The following CCDC171 variants were observed in gnomAD, a reference collection of about 807,000 sequenced individuals.
CCDC171 encodes the protein coiled-coil domain-containing protein 171.
CCDC171 carries 177 observed loss-of-function variants against 168.2 expected under a neutral mutation model. That is an observed-to-expected ratio of 1.05 (90% confidence interval 0.93 to 1.19). The LOEUF (loss-of-function observed/expected upper bound fraction) is 1.19. Ranked by LOEUF, CCDC171 falls within the 50% of genes most tolerant of loss-of-function variation. CCDC171 has a pLI of 0.00. For missense variants in CCDC171, 1,991 were observed against 1,539.0 expected (o/e 1.29, Z -4.91); for synonymous variants, 687 against 540.8 (o/e 1.27, Z -3.75).
intron 24 of CCDC171, among the ~76,000 whole-genome samples, chr9:15,907,300 C>A (rs932379934): frequency 8.5e-5 from 13 of 152,190 alleles, no homozygotes; most frequent in African/African-American, 3.1e-4. Flanking sequence ...GTACTGATAC[C>A]AAAACAGATA....
chr9:16,089,022 A>G, the CCDC171 span, among the ~76,000 whole-genome samples: 1 of 152,146 alleles, frequency 6.6e-6, no homozygotes, highest in African/African-American at 2.4e-5. Context: ...TATATAGACC[A>G]ATGGAACAGA....
chr9:15,727,935 C>G lies in CCDC171; in HGVS notation c.1759C>G (p.Pro587Ala). The G allele has an allele frequency of 6.2e-7, 1 of 1,613,254 alleles. No individual in the cohort carries two copies. The change falls in exon 15 of 26, where the codon CCA (proline) becomes GCA (alanine). Residue 587 changes from proline to alanine, a missense_variant. Transcript: ENST00000380701. The stretch of plus-strand genomic sequence containing the variant: ...AGCAGGCTGTGTGCTCATAAAACAA[C>G]CAGAAGGCATGCTGGATAAATTCTC... ...LVAGCVLIKQ[P>A]EGMLDKFSWS...
At chr9:16,064,848 G>A (rs1282789099), downstream of CCDC171, among the ~76,000 whole-genome samples, 1 of 152,180 alleles carries the variant, frequency 6.6e-6, no homozygotes, top group Non-Finnish European at 1.5e-5. Context: ...GTATTTGAGA[G>A]CCCTCGAAGT....
At chr9:15,656,115 C>G (rs899249305) in intron 7 of CCDC171, among the ~76,000 whole-genome samples, 1 of 152,008 alleles carries the variant, frequency 6.6e-6, no homozygotes, top group Non-Finnish European at 1.5e-5. Flanking sequence ...GTCAGGAGAT[C>G]GAGACCATCC....
intron 3 of CCDC171, among the ~76,000 whole-genome samples, chr9:15,983,334 T>C (rs1831864975): frequency 6.6e-6 from 1 of 152,204 alleles, no homozygotes; most frequent in Admixed American, 6.5e-5. Context: ...TTTTTTCCTG[T>C]ATCTTTAATT....
At chr9:16,059,267 G>A (rs1189030078) in intron 1 of CCDC171, among the ~76,000 whole-genome samples, 1 of 152,206 alleles carries the variant, frequency 6.6e-6, no homozygotes, top group African/African-American at 2.4e-5. Context: ...TACACTTAAA[G>A]GACTAAGATT....
intron 21 of CCDC171, among the ~76,000 whole-genome samples, chr9:15,846,233 A>T (rs1159837592): frequency 6.6e-6 from 1 of 152,074 alleles, no homozygotes; most frequent in South Asian, 2.1e-4. Flanking sequence ...GTACTCTTTC[A>T]TCTTGGGTTT....
chr9:15,869,031 A>G (rs1467211732), intron 23 of CCDC171, among the ~76,000 whole-genome samples: 1 of 152,158 alleles, frequency 6.6e-6, no homozygotes, highest in East Asian at 1.9e-4. Context: ...AGTGCTATCT[A>G]AATTATACTG....
At chr9:15,627,757 G>T (rs912808033) in intron 7 of CCDC171, among the ~76,000 whole-genome samples, 1 of 152,198 alleles carries the variant, frequency 6.6e-6, no homozygotes, top group Admixed American at 6.5e-5. Flanking sequence ...CAGTTTTGGA[G>T]TAAGTGTGAT....
downstream of CCDC171, among the ~76,000 whole-genome samples, chr9:16,064,320 A>C (rs1351360792): frequency 6.6e-6 from 1 of 152,162 alleles, no homozygotes; most frequent in African/African-American, 2.4e-5. Flanking sequence ...CCATTCATCT[A>C]TGAAGATGGC....
rs144911467 is a variant in CCDC171, at chr9:15,693,145, A to G, written c.1216-2090A>G. 2.0e-5 allele frequency among the ~76,000 whole-genome samples: 3 copies of G among 152,138 alleles called. No individual in the cohort carries two copies. In the East Asian group the frequency reaches 5.9e-4, roughly 30 times the overall value. ...GAGCGAGACTCTGTCTCAAAACAAA[A>G]CAAAACAAAACACCAAAAAAACAGA... On this transcript the variant is annotated intron_variant, in intron 10 of 25. Coordinates refer to ENST00000380701, the MANE Select transcript of CCDC171 (RefSeq NM_173550.4).
At chr9:16,000,322 T>A (rs2132945895) in intron 3 of CCDC171, among the ~76,000 whole-genome samples, 1 of 152,276 alleles carries the variant, frequency 6.6e-6, no homozygotes, top group East Asian at 1.9e-4. Context: ...AGGGATTGAC[T>A]TTTTTTGCTT....
At chr9:16,058,438 C>T (rs780537147) in intron 1 of CCDC171, among the ~76,000 whole-genome samples, 3 of 152,158 alleles carry the variant, frequency 2.0e-5, no homozygotes, top group South Asian at 2.1e-4. Flanking sequence ...TCCTCGCCGG[C>T]GTGCACAAGT....
At chr9:15,986,208 G>A (rs1398182381) in intron 3 of CCDC171, among the ~76,000 whole-genome samples, 3 of 152,142 alleles carry the variant, frequency 2.0e-5, no homozygotes, top group African/African-American at 4.8e-5. Context: ...ATAGGCAAAA[G>A]GTAAAGTTTA....
downstream of CCDC171, among the ~76,000 whole-genome samples, chr9:16,065,039 A>G (rs187474714): frequency 5.7e-3 from 864 of 152,206 alleles, 23 homozygotes; most frequent in South Asian, 0.021. Flanking sequence ...TGTTAATTCA[A>G]TTTGAGTGCC....
At chr9:15,623,475 G>GCGCGCACACACACACC in intron 7 of CCDC171, 62 bp downstream of exon 7, 2 of 311,464 alleles carry the variant, frequency 6.4e-6, no homozygotes, top group Admixed American at 5.2e-5. Flanking sequence ...GCGCGCGCGC[G>GCGCGCACACACACACC]CACACACACA....
At chr9:16,082,866 G>A in the CCDC171 span, among the ~76,000 whole-genome samples, 1 of 152,182 alleles carries the variant, frequency 6.6e-6, no homozygotes, top group East Asian at 1.9e-4. Context: ...CTGTGCTTTA[G>A]CAAGTAATTC....
rs1450583350 is a variant in CCDC171 at position 15,819,752 on chromosome 9, A to C, written c.3268-26950A>C. ...ACACAATAATAATGGGAGACTTTAAAACCCCACTGTCAATATTAGACAGAT... is the reference window on the plus strand; with the variant it reads ...ACACAATAATAATGGGAGACTTTAACACCCCACTGTCAATATTAGACAGAT... On this transcript the variant is annotated intron_variant, in intron 21 of 25. Coordinates refer to ENST00000380701, the MANE Select transcript of CCDC171 (RefSeq NM_173550.4). Among the ~76,000 whole-genome samples, 3 of 116,674 alleles carry C rather than the reference A, an allele frequency of 2.6e-5. 1 individual carries two copies. Among genetic ancestry groups the C allele is most frequent in the Non-Finnish European group, 3.9e-5 (2 of 51,900 alleles). The allele number at this position is 116,674 out of a possible 152,430, so 76.5% of individuals were successfully genotyped here.
In CCDC171 at chr9:15,901,019, T is replaced by C. The variant is rs376560927; in HGVS notation, c.3601-19251T>C. Reference sequence around the variant, plus strand: ...TTTTTAAGTCAGCTTCCCTAACATATATACATTCATTCCTTAATAACTTAT... The same window carrying C: ...TTTTTAAGTCAGCTTCCCTAACATACATACATTCATTCCTTAATAACTTAT... On this transcript the variant is annotated intron_variant, in intron 24 of 25. Coordinates refer to ENST00000380701, the MANE Select transcript of CCDC171 (RefSeq NM_173550.4). Among the ~76,000 whole-genome samples the C allele has an allele frequency of 1.4e-4, 22 of 152,320 alleles. No individual in the cohort carries two copies. In the East Asian group the frequency reaches 3.5e-3, roughly 24 times the overall value.
Sources: gnomAD v4.1 joint callset for allele counts (sites outside exome capture counted in the v4.1 genomes callset) on GRCh38, gnomAD v4.1.1 for gene constraint, MANE v1.5 for transcripts, NCBI Gene and HGNC (gene_info 2026-07-23, HGNC 2026-07-21) for gene names.